The following SNX24 variants were observed in gnomAD, a reference collection of about 807,000 sequenced individuals.
SNX24 encodes sorting nexin-24.
In SNX24, 22 loss-of-function variants were observed where a neutral mutation model predicts 28.7. The observed-to-expected ratio is 0.77, with a 90% confidence interval of 0.55 to 1.10. The LOEUF (loss-of-function observed/expected upper bound fraction) is 1.10, where lower values mean the gene tolerates loss of function less well. SNX24 is among the 50% of genes least tolerant of loss of function. The pLI, the probability that SNX24 is intolerant of heterozygous loss-of-function variation, is 0.00. For missense variants in SNX24, 221 were observed against 201.1 expected (o/e 1.10, Z -0.60); for synonymous variants, 69 against 71.5 (o/e 0.96, Z 0.18).
At chr5:122,883,666 G>A (rs78029327) in intron 1 of SNX24, among the ~76,000 whole-genome samples, 1,894 of 151,018 alleles carry the variant, frequency 0.013, 43 homozygotes, top group African/African-American at 0.044. Context: ...TTTGTTTTTC[G>A]AGACAGTATC....
chr5:123,013,395 T>TTTA (rs1762626447), downstream of SNX24, among the ~76,000 whole-genome samples: 1 of 152,232 alleles, frequency 6.6e-6, no homozygotes, highest in Non-Finnish European at 1.5e-5. Flanking sequence ...ATTATTTTCA[T>TTTA]TTTGGCTTTG....
chr5:122,989,297 G>C (rs1761734026), intron 3 of SNX24, among the ~76,000 whole-genome samples: 1 of 152,178 alleles, frequency 6.6e-6, no homozygotes, highest in African/African-American at 2.4e-5. Flanking sequence ...GCATTTCCTT[G>C]ATTCTTTTGG....
intron 3 of SNX24, among the ~76,000 whole-genome samples, chr5:122,975,339 C>A (rs1581820505): frequency 1.3e-5 from 2 of 151,740 alleles, no homozygotes; most frequent in East Asian, 3.9e-4. Flanking sequence ...TTTAATCCTT[C>A]TTTTTGTTTG....
chr5:122,871,085 AACT>A (rs1755955271), intron 1 of SNX24, among the ~76,000 whole-genome samples: 1 of 152,202 alleles, frequency 6.6e-6, no homozygotes, highest in African/African-American at 2.4e-5. Context: ...GGAAGGTGAG[AACT>A]ACTGCACTGA....
rs540418683 is a variant in SNX24, at chr5:123,017,026, C to T, written n.384-12212C>T. ...CCATGGTGACAGATTTTTGCAGAAC[C>T]ATTTCCAACTTTTTCCCCAGTTTAA... On this transcript the variant is annotated intron_variant and non_coding_transcript_variant, in intron 5 of 5. Coordinates refer to the SNX24 transcript ENST00000502387. Among the ~76,000 whole-genome samples, 4 of 152,102 alleles carry T rather than the reference C, an allele frequency of 2.6e-5. No homozygotes were observed. The South Asian group carries it at 8.3e-4, about 32-fold the overall frequency.
At chr5:122,930,151 T>A (rs1481441501) in intron 1 of SNX24, among the ~76,000 whole-genome samples, 1 of 152,212 alleles carries the variant, frequency 6.6e-6, no homozygotes, top group Non-Finnish European at 1.5e-5. Flanking sequence ...CAGAGCAGGC[T>A]GTGAGAAGAT....
At chr5:122,974,646 A>G (rs1369074686) in intron 3 of SNX24, among the ~76,000 whole-genome samples, 2 of 152,228 alleles carry the variant, frequency 1.3e-5, no homozygotes, top group African/African-American at 2.4e-5. Context: ...ATGCGAATAC[A>G]CTGTCATTCT....
intron 3 of SNX24, among the ~76,000 whole-genome samples, chr5:122,985,470 G>A (rs2150160004): frequency 6.6e-6 from 1 of 152,326 alleles, no homozygotes; most frequent in African/African-American, 2.4e-5. Context: ...ACTTCTCAGA[G>A]TCAGTTTTTC....
Position 123,029,306 on chromosome 5 carries a change from T to C in SNX24, n.452T>C, listed in dbSNP as rs757085256. ...AAAGGAAATAAAATTGAGACATACC[T>C]CTCCTGTTGCTAGAGCAACAAAATT... is the stretch of plus-strand genomic sequence containing the variant. On this transcript the variant is annotated non_coding_transcript_exon_variant, in exon 6 of 6. Coordinates refer to the SNX24 transcript ENST00000502387. 3 of 1,614,018 alleles carry C rather than the reference T, an allele frequency of 1.9e-6. No homozygotes were observed. The South Asian group carries it at 3.3e-5, about 18-fold the overall frequency.
At chr5:122,854,352 C>A (rs1490844200) in intron 1 of SNX24, among the ~76,000 whole-genome samples, 1 of 151,712 alleles carries the variant, frequency 6.6e-6, no homozygotes, top group African/African-American at 2.4e-5. Context: ...ACTAAAAATA[C>A]AAAAAATTAG....
intron 1 of SNX24, among the ~76,000 whole-genome samples, chr5:122,857,263 C>T (rs1398481984): frequency 1.3e-5 from 2 of 151,760 alleles, no homozygotes; most frequent in African/African-American, 4.8e-5. Flanking sequence ...CTGCCTGCCT[C>T]AGCCTCCCAA....
intron 1 of SNX24, among the ~76,000 whole-genome samples, chr5:122,891,731 C>T (rs1208639351): frequency 3.3e-5 from 5 of 152,206 alleles, no homozygotes; most frequent in Admixed American, 6.5e-5. Flanking sequence ...TAGAGACTTA[C>T]CTTTTTCAAA....
chr5:122,990,660 G>C (rs547636339), intron 3 of SNX24, among the ~76,000 whole-genome samples: 38 of 152,254 alleles, frequency 2.5e-4, no homozygotes, highest in Middle Eastern at 6.8e-3. Flanking sequence ...GTCTCCTAAG[G>C]CTGTCTGTAG....
At position 123,007,921 on chromosome 5, in the gene SNX24, TA is replaced by T. The variant is rs1250871237; in HGVS notation, c.*177del. 6 of 1,414,326 alleles carry T rather than the reference TA, an allele frequency of 4.2e-6. No individual in the cohort carries two copies. In the African/African-American group the frequency reaches 8.8e-5, roughly 21 times the overall value. The allele number at this position is 1,414,326 out of a possible 1,614,324, so 87.6% of individuals were successfully genotyped here. On this transcript the variant is annotated 3_prime_UTR_variant, in exon 7 of 7. Transcript: ENST00000261369. Reference sequence around the variant, plus strand: ...GACATTTCCATTAGAATGGTGCTCTTAAAAATAGAAACTGAACCGGGGCGGT... The same window carrying T: ...GACATTTCCATTAGAATGGTGCTCTTAAAATAGAAACTGAACCGGGGCGGT...
intron 1 of SNX24, among the ~76,000 whole-genome samples, chr5:122,919,219 A>G (rs1162470929): frequency 1.3e-5 from 2 of 152,238 alleles, no homozygotes; most frequent in Non-Finnish European, 2.9e-5. Context: ...GTTTGTGCAA[A>G]GAGGCAAACC....
In SNX24 at chr5:123,022,994, T is replaced by G. The variant is rs577154199; in HGVS notation, n.384-6244T>G. Among the ~76,000 whole-genome samples the G allele has an allele frequency of 7.2e-5, 11 of 152,294 alleles. No individual in the cohort carries two copies. In the South Asian group the frequency reaches 2.1e-3, roughly 29 times the overall value. ...AATTTTAGTTTTGTTAGAGACAGGG[T>G]CTCACTATGTTGCCCAGGCTGGTCT... On this transcript the variant is annotated intron_variant and non_coding_transcript_variant, in intron 5 of 5. Coordinates refer to the SNX24 transcript ENST00000502387.
At chr5:122,976,201 T>G (rs957434533) in intron 3 of SNX24, among the ~76,000 whole-genome samples, 2 of 151,986 alleles carry the variant, frequency 1.3e-5, no homozygotes, top group Non-Finnish European at 2.9e-5. Context: ...ACACTTTTTT[T>G]TAATATAGTG....
intron 3 of SNX24, among the ~76,000 whole-genome samples, chr5:122,988,646 A>G (rs1761703205): frequency 6.6e-6 from 1 of 152,224 alleles, no homozygotes; most frequent in Non-Finnish European, 1.5e-5. Context: ...AGTAAGTTTA[A>G]CAAAACACTC....
intron 1 of SNX24, among the ~76,000 whole-genome samples, chr5:122,899,775 C>G (rs1757353151): frequency 6.6e-6 from 1 of 152,148 alleles, no homozygotes; most frequent in African/African-American, 2.4e-5. Context: ...GCTTATCTGA[C>G]AATGATGAAG....
Sources: allele counts gnomAD v4.1 joint callset (sites outside exome capture counted in the v4.1 genomes callset), GRCh38; gene constraint gnomAD v4.1.1; transcripts MANE v1.5; gene names NCBI Gene and HGNC (gene_info 2026-07-23, HGNC 2026-07-21).